Variants in ALMS1 observed in about 807,000 individuals in gnomAD.
The protein encoded by ALMS1 is centrosome-associated protein ALMS1.
In ALMS1, 271 loss-of-function variants were observed where a neutral mutation model predicts 352.2. That is an observed-to-expected ratio of 0.77 (90% CI 0.70 to 0.85). The LOEUF (loss-of-function observed/expected upper bound fraction) is 0.85, where lower values mean the gene tolerates loss of function less well. Ranked by LOEUF, ALMS1 falls within the 40% of genes least tolerant of loss-of-function variation. The pLI is 0.00. For synonymous variants in ALMS1, 1,865 were observed against 1,761.2 expected, an observed-to-expected ratio of 1.06 and a Z score of -1.48; for missense variants, 5,445 against 4,870.7, an observed-to-expected ratio of 1.12 and a Z score of -3.51.
At chr2:73,471,053 T>C (rs1263681460) in intron 9 of ALMS1, 1 of 151,880 alleles carries the variant, frequency 6.6e-6, no homozygotes, top group Non-Finnish European at 1.5e-5. Context: ...ATTCAGCCAC[T>C]ATATGTTTTT....
Position 73,453,615 on chromosome 2 carries a change from TAC to T in ALMS1, c.7090_7091del (p.Gln2364GlyfsTer15). 1 of 1,613,990 alleles carries T rather than the reference TAC, an allele frequency of 6.2e-7. No homozygotes were observed. Among genetic ancestry groups the T allele is most frequent in the South Asian group, 1.1e-5 (1 of 91,070 alleles). On this transcript the variant is annotated frameshift_variant, in exon 8 of 23. Coordinates refer to ENST00000613296, the MANE Select transcript of ALMS1 (RefSeq NM_001378454.1). LOFTEE classifies it high-confidence loss of function. ...AGTTCAACTACAGTTAGAAGTCCTC[TAC>T]AGGAAGCAGAGAGCAAAGTCAGTAT... is the stretch of plus-strand genomic sequence containing the variant.
chr2:73,601,022 G>A, intron 18 of ALMS1, 141 bp downstream of exon 18: 1 of 1,396,904 alleles, frequency 7.2e-7, no homozygotes, highest in Non-Finnish European at 9.8e-7. Flanking sequence ...TCAGAGTCCA[G>A]CATGGCAGTT....
chr2:73,573,925 T>A (rs565358500), intron 16 of ALMS1, among the ~76,000 whole-genome samples: 177 of 152,144 alleles, frequency 1.2e-3, no homozygotes, highest in Non-Finnish European at 2.1e-3. Context: ...TATGATTTTT[T>A]AAAAATGAGT....
At chr2:73,445,132 G>A (rs1170406645) in intron 7 of ALMS1, among the ~76,000 whole-genome samples, 1 of 151,962 alleles carries the variant, frequency 6.6e-6, no homozygotes, top group Non-Finnish European at 1.5e-5. Context: ...CATAGTAGGT[G>A]TATATATTTA....
intron 11 of ALMS1, among the ~76,000 whole-genome samples, chr2:73,533,588 T>C (rs138645054): frequency 5.7e-4 from 87 of 152,308 alleles, no homozygotes; most frequent in Middle Eastern, 3.4e-3. Context: ...GTTACCCATA[T>C]GTTCACACAT....
intron 9 of ALMS1, among the ~76,000 whole-genome samples, chr2:73,465,503 A>G (rs935025928): frequency 6.6e-6 from 1 of 152,254 alleles, no homozygotes; most frequent in African/African-American, 2.4e-5. Flanking sequence ...TGGATTAAAG[A>G]CTTACATGTT....
upstream of ALMS1, chr2:73,385,808 T>TCCCCTTCCCCTCCCTCCC: frequency 4.5e-6 from 3 of 672,246 alleles, no homozygotes; most frequent in Non-Finnish European, 5.4e-6. Context: ...GTCAGGGCTC[T>TCCCCTTCCCCTCCCTCCC]CCCCTTCCCC....
intron 1 of ALMS1, among the ~76,000 whole-genome samples, chr2:73,398,953 C>T (rs1261373005): frequency 1.3e-5 from 2 of 152,124 alleles, no homozygotes; most frequent in Non-Finnish European, 2.9e-5. Flanking sequence ...AAGCGATTCT[C>T]CTGCCTCAGC....
rs780438592 is a variant in ALMS1, at chr2:73,572,849, C to T, written c.10972C>T (p.Arg3658Ter). Residue 3658 changes from arginine (R) to a stop codon, truncating the protein, a stop_gained, in exon 16 of 23, where the codon CGA becomes TGA. Coordinates refer to ENST00000613296, the MANE Select transcript of ALMS1 (RefSeq NM_001378454.1). LOFTEE classifies it high-confidence loss of function. ...ESTHDDSRGE[R>*]SVKEWSGRQQ... The stretch of plus-strand genomic sequence containing the variant: ...TACACATGATGATAGCAGAGGGGAA[C>T]GAAGTGTGAAGGAATGGAGTGGTAG... The T allele has an allele frequency of 1.6e-5, 26 of 1,613,746 alleles. No homozygotes were observed. The highest frequency in any genetic ancestry group is 2.0e-5 in the Non-Finnish European group (24 of 1,179,966).
At chr2:73,398,936 C>G (rs1003986366) in intron 1 of ALMS1, among the ~76,000 whole-genome samples, 3 of 152,020 alleles carry the variant, frequency 2.0e-5, no homozygotes, top group Non-Finnish European at 2.9e-5. Flanking sequence ...CTCTGCCTCC[C>G]GGGTTCAAGC....
At chr2:73,527,830 C>T (rs761908087) in intron 11 of ALMS1, among the ~76,000 whole-genome samples, 42 of 151,090 alleles carry the variant, frequency 2.8e-4, no homozygotes, top group African/African-American at 7.5e-4. Flanking sequence ...CATTAGCATA[C>T]GTTGTTAGGT....
chr2:73,479,257 A>T (rs1018494246), intron 9 of ALMS1, among the ~76,000 whole-genome samples: 27 of 152,348 alleles, frequency 1.8e-4, no homozygotes, highest in Non-Finnish European at 2.2e-4. Context: ...AACATCTTGC[A>T]TAACTGTGGT....
chr2:73,570,434 AAGAG>A (rs759373531), intron 15 of ALMS1, among the ~76,000 whole-genome samples: 4 of 152,180 alleles, frequency 2.6e-5, no homozygotes, highest in South Asian at 4.1e-4. Flanking sequence ...TCATATTAGC[AAGAG>A]CACTTTTAGT....
chr2:73,600,151 T>G (rs560075653), intron 17 of ALMS1, among the ~76,000 whole-genome samples: 5 of 152,292 alleles, frequency 3.3e-5, no homozygotes, highest in African/African-American at 1.2e-4. Context: ...AGAGAATTGC[T>G]TAAATGTGCA....
chr2:73,578,859 C>G (rs1422932949), intron 16 of ALMS1, among the ~76,000 whole-genome samples: 1 of 151,966 alleles, frequency 6.6e-6, no homozygotes, highest in Non-Finnish European at 1.5e-5. Context: ...TTATTTTTAC[C>G]TATGTAATTG....
In ALMS1 at chr2:73,452,642, C is replaced by T; in HGVS notation, c.6115C>T (p.Pro2039Ser). 1.2e-6 allele frequency: 2 copies of T among 1,614,028 alleles called. No individual in the cohort carries two copies. Among genetic ancestry groups the T allele is most frequent in the Non-Finnish European group, 1.7e-6 (2 of 1,179,978 alleles). Residue 2039 changes from proline (P) to serine (S), a missense_variant, in exon 8 of 23, where the codon CCA (proline) becomes TCA (serine). Physicochemically the swap from Pro to Ser is moderately conservative, Grantham distance 74. Coordinates refer to ENST00000613296, the MANE Select transcript of ALMS1 (RefSeq NM_001378454.1). ...GATTGGACCAAATGACCAGAAGACT[C>T]CATCCCAGACAGCTTTTCATAGTTC... ...TVIGPNDQKT[P>S]SQTAFHSSYS...
In ALMS1 at chr2:73,414,729, C is replaced by T. The variant is rs7603801; in HGVS notation, c.451-4394C>T. 8.4e-3 allele frequency among the ~76,000 whole-genome samples: 1,275 copies of T among 151,864 alleles called. 15 individuals are homozygous for T. Among genetic ancestry groups the T allele is most frequent in the African/African-American group, 0.027 (1,127 of 41,484 alleles). On this transcript the variant is annotated intron_variant, in intron 2 of 22. Coordinates refer to ENST00000613296, the MANE Select transcript of ALMS1 (RefSeq NM_001378454.1). Reference sequence around the variant, plus strand: ...TTGGGTTCTTCTGGTTTTTTTTCTACTCATCTGGCTGTTCTCTCTCAGTAT... The same window carrying T: ...TTGGGTTCTTCTGGTTTTTTTTCTATTCATCTGGCTGTTCTCTCTCAGTAT...
intron 11 of ALMS1, among the ~76,000 whole-genome samples, chr2:73,523,454 A>G (rs1431356337): frequency 2.0e-5 from 3 of 152,098 alleles, no homozygotes; most frequent in African/African-American, 7.2e-5. Flanking sequence ...ATGGTGACAC[A>G]GTTCTAAGTA....
chr2:73,408,091 C>G (rs1361440859), intron 1 of ALMS1, among the ~76,000 whole-genome samples: 1 of 152,106 alleles, frequency 6.6e-6, no homozygotes, highest in Non-Finnish European at 1.5e-5. Flanking sequence ...TGGGAAAAAT[C>G]TCAAGAACCA....
Sources: gnomAD v4.1 joint callset for allele counts (sites outside exome capture counted in the v4.1 genomes callset) on GRCh38, gnomAD v4.1.1 for gene constraint, MANE v1.5 for transcripts, NCBI Gene and HGNC (gene_info 2026-07-23, HGNC 2026-07-21) for gene names.